IYD: variants seen among roughly 807,000 people sequenced by gnomAD.
The protein encoded by IYD is iodotyrosine deiodinase 1.
IYD carries 25 observed loss-of-function variants against 28.4 expected under a neutral mutation model. The observed-to-expected ratio is 0.88, with a 90% CI of 0.64 to 1.23. The LOEUF is 1.23. Among genes scored for constraint, IYD ranks in the 50% most tolerant of loss-of-function variants. IYD has a pLI of 0.00. For synonymous variants in IYD, 140 were observed against 130.8 expected (o/e 1.07, Z -0.48); for missense variants, 352 against 357.9 (o/e 0.98, Z 0.13).
intron 1 of IYD, among the ~76,000 whole-genome samples, chr6:150,383,806 A>C (rs1394577300): frequency 3.5e-5 from 1 of 28,800 alleles, no homozygotes; most frequent in Non-Finnish European, 7.6e-5. Flanking sequence ...AAAAAAAAAA[A>C]AACAAAAACA....
At chr6:150,388,667 C>CTTTCTTTT (rs1325993583) in intron 1 of IYD, among the ~76,000 whole-genome samples, 16 of 135,992 alleles carry the variant, frequency 1.2e-4, no homozygotes, top group African/African-American at 4.0e-4. Flanking sequence ...TTCTTTCTTT[C>CTTTCTTTT]TTTCTTTCTT....
At chr6:150,390,921 C>T (rs916235395) in intron 2 of IYD, among the ~76,000 whole-genome samples, 10 of 152,096 alleles carry the variant, frequency 6.6e-5, no homozygotes, top group Non-Finnish European at 1.0e-4. Context: ...CATGGCCGTG[C>T]GTATTGAGTA....
Position 150,399,031 on chromosome 6 carries a change from A to G in IYD, c.*794A>G, listed in dbSNP as rs11962096. On this transcript the variant is annotated 3_prime_UTR_variant, in exon 5 of 5. Transcript: ENST00000344419. ...GCACTCCAGCCTGGGCAACAGAGCG[A>G]GAACCTGTCTCAAAAAAAACAAAAA... is the stretch of plus-strand genomic sequence containing the variant. The G allele has an allele frequency of 0.16, 24,880 of 152,280 alleles. 4,154 individuals are homozygous for G. The highest frequency in any genetic ancestry group is 0.41 in the African/African-American group (16,992 of 41,416). 9.4% of individuals were successfully genotyped at this position (152,280 alleles called of 1,614,324 possible). A position where few individuals can be genotyped will look rare whatever the true frequency, so the allele number is the denominator to read the frequency against.
intron 1 of IYD, chr6:150,370,510 A>T (rs2115008568): frequency 1.0e-6 from 1 of 985,420 alleles, no homozygotes; most frequent in African/African-American, 1.7e-5. Context: ...CTCAGTGCTA[A>T]CAGCCTGTAG....
intron 3 of IYD, among the ~76,000 whole-genome samples, chr6:150,393,757 C>A (rs917292333): frequency 6.6e-6 from 1 of 152,196 alleles, no homozygotes; most frequent in Non-Finnish European, 1.5e-5. Context: ...AACAGCATTG[C>A]CATCTGCCCA....
rs1166314523 is a variant in IYD, at chr6:150,400,161, A to G, written c.*1924A>G. ...GTGGCTCAGGGGCAGCTGCAGGGCC[A>G]GATGGAGTTGGCCTGCAGGGAGTCA... On this transcript the variant is annotated 3_prime_UTR_variant, in exon 5 of 5. Transcript: ENST00000344419. The G allele has an allele frequency of 6.6e-6, 1 of 152,206 alleles. No homozygotes were observed. The highest frequency in any genetic ancestry group is 6.5e-5 in the Admixed American group (1 of 15,278). The allele number at this position is 152,206 out of a possible 1,614,324, so 9.4% of individuals were successfully genotyped here.
At position 150,398,477 on chromosome 6, in the gene IYD, G is replaced by A. The variant is rs2076284; in HGVS notation, c.*240G>A. The A allele has an allele frequency of 2.0e-5, 10 of 503,460 alleles. No individual in the cohort carries two copies. Among genetic ancestry groups the A allele is most frequent in the South Asian group, 9.8e-5 (3 of 30,586 alleles). The allele number at this position is 503,460 out of a possible 1,614,324, so 31.2% of individuals were successfully genotyped here. A position where few individuals can be genotyped will look rare whatever the true frequency, so the allele number is the denominator to read the frequency against. On this transcript the variant is annotated 3_prime_UTR_variant, in exon 5 of 5. Coordinates refer to ENST00000344419, the MANE Select transcript of IYD (RefSeq NM_203395.3). ...TGAACACTTTACAAAGAACATGCCC[G>A]GGTTTTTACATTTTAAAAGTTATTC...
chr6:150,395,856 G>A, intron 4 of IYD: 1 of 586,836 alleles, frequency 1.7e-6, no homozygotes, highest in Non-Finnish European at 3.0e-6. Context: ...CTTTTACTTA[G>A]ATGTTTGTTA....
At chr6:150,375,553 G>A (rs1238880237) in intron 1 of IYD, among the ~76,000 whole-genome samples, 1 of 152,168 alleles carries the variant, frequency 6.6e-6, no homozygotes, top group Non-Finnish European at 1.5e-5. Flanking sequence ...AGGAACAGCG[G>A]GGATGCAAAC....
intron 4 of IYD, among the ~76,000 whole-genome samples, chr6:150,394,726 C>T (rs1582800246): frequency 2.0e-5 from 3 of 152,196 alleles, no homozygotes; most frequent in South Asian, 2.1e-4. Context: ...TGCATAGGAA[C>T]GAGAGCAATG....
chr6:150,372,248 G>A (rs140401476), intron 1 of IYD, among the ~76,000 whole-genome samples: 1 of 151,780 alleles, frequency 6.6e-6, no homozygotes, highest in Non-Finnish European at 1.5e-5. Context: ...GAATCGGCAT[G>A]TGTGTGTGTG....
At chr6:150,395,570 C>T (rs1320888667) in intron 4 of IYD, 1 of 1,536,612 alleles carries the variant, frequency 6.5e-7, no homozygotes, top group African/African-American at 1.4e-5. Context: ...TGCCCAGGTG[C>T]CTCTGCAGCA....
chr6:150,369,065 C>T lies in IYD; in HGVS notation c.34C>T (p.Leu12Phe). Residue 12 changes from leucine (L) to phenylalanine (F), a missense_variant, in exon 1 of 5, where the codon CTC (leucine) becomes TTC (phenylalanine). Leu to Phe is a conservative substitution (Grantham distance 22). Coordinates refer to ENST00000344419, the MANE Select transcript of IYD (RefSeq NM_203395.3). The stretch of plus-strand genomic sequence containing the variant: ...CCTGACTCCCATCTTGGTAGCCATT[C>T]TCTGCATTTTGGTTGTGTGGATCTT... ...YFLTPILVAI[L>F]CILVVWIFKN... The T allele has an allele frequency of 1.2e-6, 2 of 1,614,000 alleles. No individual in the cohort carries two copies. Among genetic ancestry groups the T allele is most frequent in the Non-Finnish European group, 1.7e-6 (2 of 1,179,976 alleles).
At chr6:150,383,314 AT>A (rs553647807) in intron 1 of IYD, among the ~76,000 whole-genome samples, 271 of 152,154 alleles carry the variant, frequency 1.8e-3, no homozygotes, top group African/African-American at 6.4e-3. Flanking sequence ...TAGACCTGGG[AT>A]TTTGGCTTTT....
chr6:150,388,820 G>T (rs1243810673), intron 1 of IYD, among the ~76,000 whole-genome samples: 7 of 150,300 alleles, frequency 4.7e-5, no homozygotes, highest in Non-Finnish European at 7.4e-5. Flanking sequence ...TCATGCCTCA[G>T]CCTCCCAAGT....
At chr6:150,392,210 A>C in intron 2 of IYD, 135 bp from the exon 3 acceptor site, 2 of 1,401,840 alleles carry the variant, frequency 1.4e-6, no homozygotes, top group Non-Finnish European at 2.0e-6. Context: ...AAAAAAAAAA[A>C]TCTGCAAAAT....
rs750084911 is a variant in IYD, at chr6:150,389,349, C to T, written c.179-3C>T. The T allele has an allele frequency of 1.9e-6, 3 of 1,610,088 alleles. No homozygotes were observed. The highest frequency in any genetic ancestry group is 2.6e-6 in the Non-Finnish European group (3 of 1,176,414). On this transcript the variant is annotated splice_region_variant and splice_polypyrimidine_tract_variant and intron_variant, in intron 1 of 4. Transcript: ENST00000344419. ...TTGTTACCTTTCTTATTCTTATTTGCAGATGCTGATGAATGGCAAGAATCA... is the reference window on the plus strand; with the variant it reads ...TTGTTACCTTTCTTATTCTTATTTGTAGATGCTGATGAATGGCAAGAATCA...
intron 1 of IYD, among the ~76,000 whole-genome samples, chr6:150,376,346 A>G (rs1192980531): frequency 6.6e-6 from 1 of 152,170 alleles, no homozygotes; most frequent in Non-Finnish European, 1.5e-5. Flanking sequence ...ATCGCCAATA[A>G]CCCAGTGGGG....
chr6:150,372,234 C>G (rs935855114), intron 1 of IYD, among the ~76,000 whole-genome samples: 2 of 151,794 alleles, frequency 1.3e-5, no homozygotes, highest in Admixed American at 6.6e-5. Flanking sequence ...GTTCACAGGT[C>G]AGAGAATCGG....
Sources: allele counts gnomAD v4.1 joint callset (sites outside exome capture counted in the v4.1 genomes callset), GRCh38; gene constraint gnomAD v4.1.1; transcripts MANE v1.5; gene names NCBI Gene and HGNC (gene_info 2026-07-23, HGNC 2026-07-21).